Variants in F10 observed in about 807,000 individuals in gnomAD.
F10 encodes Stuart-Prower factor.
In F10, 29 loss-of-function variants were observed where a neutral mutation model predicts 37.1. The observed-to-expected ratio is 0.78, with a 90% CI of 0.58 to 1.07. The LOEUF is 1.07. Among genes scored for constraint, F10 ranks in the 50% least tolerant of loss-of-function variants. The probability of loss-of-function intolerance (pLI) is 0.00; values close to 1 mark genes in which losing one functional copy is unlikely to be tolerated. For missense variants in F10, 539 were observed against 667.9 expected (o/e 0.81, Z 2.13); for synonymous variants, 262 against 268.6 (o/e 0.98, Z 0.24).
chr13:113,129,669 C>T lies in F10; in HGVS notation c.231+57C>T, dbSNP rs535165243. 1.9e-6 allele frequency: 3 copies of T among 1,608,136 alleles called. No individual in the cohort carries two copies. The East Asian group carries it at 6.7e-5, about 36-fold the overall frequency. On this transcript the variant is annotated intron_variant, in intron 2 of 7. Coordinates refer to ENST00000375559, the MANE Select transcript of F10 (RefSeq NM_000504.4). ...AGGAGCTCAGGCCACAGCGCCCTCG[C>T]TGGCCCCGCTGCTCCGTCCATCCAG... is the stretch of plus-strand genomic sequence containing the variant.
chr13:113,124,721 A>AC (rs1235863452), intron 1 of F10, among the ~76,000 whole-genome samples: 1 of 152,240 alleles, frequency 6.6e-6, no homozygotes, highest in African/African-American at 2.4e-5. Context: ...GGGCGGTGGG[A>AC]CCTCAGCATT....
chr13:113,140,601 T>C (rs2036518434), intron 4 of F10: 1 of 568,858 alleles, frequency 1.8e-6, no homozygotes, highest in South Asian at 1.5e-5. Flanking sequence ...TACTTTTTCA[T>C]CAAAAGCCAC....
In F10 at chr13:113,146,226, C is replaced by G. The variant is rs981839161; in HGVS notation, c.748-1153C>G. On this transcript the variant is annotated intron_variant, in intron 6 of 7. Transcript: ENST00000375559. The surrounding 1 kb of genome is among the most constrained non-coding windows in gnomAD (Gnocchi z 4.5). ...GTAGGTGGGATATGAAACCATGAAG[C>G]CTCTCTGTGACCAATACACAGAAAT... is the stretch of plus-strand genomic sequence containing the variant. Among the ~76,000 whole-genome samples, 1 of 152,164 alleles carries G rather than the reference C, an allele frequency of 6.6e-6. No homozygotes were observed. Among genetic ancestry groups the G allele is most frequent in the African/African-American group, 2.4e-5 (1 of 41,446 alleles).
intron 2 of F10, chr13:113,131,960 A>G (rs1471237420): frequency 6.6e-6 from 1 of 152,296 alleles, no homozygotes; most frequent in East Asian, 1.9e-4. Flanking sequence ...CACAACATCA[A>G]GGAAATATTT....
chr13:113,123,292 G>C (rs1289678800), intron 1 of F10, among the ~76,000 whole-genome samples: 1 of 152,180 alleles, frequency 6.6e-6, no homozygotes, highest in Non-Finnish European at 1.5e-5. Context: ...GGCAGGCAGA[G>C]ACAGGACAGT....
intron 2 of F10, among the ~76,000 whole-genome samples, chr13:113,137,383 G>T (rs191929202): frequency 6.6e-6 from 1 of 152,104 alleles, no homozygotes; most frequent in Admixed American, 6.5e-5. Context: ...GTATTTGGGG[G>T]GGAAGGATGG....
intron 2 of F10, among the ~76,000 whole-genome samples, chr13:113,133,244 T>A: frequency 6.7e-6 from 1 of 150,284 alleles, no homozygotes. Context: ...TCAAAGAAAT[T>A]TAAAACAAAA....
At chr13:113,142,671 A>G (rs1335713435) in intron 5 of F10, among the ~76,000 whole-genome samples, 1 of 148,438 alleles carries the variant, frequency 6.7e-6, no homozygotes, top group Non-Finnish European at 1.5e-5. Flanking sequence ...CACGCCTGTA[A>G]TCCCAGCACT....
At position 113,143,880 on chromosome 13, in the gene F10, G is replaced by GA. The variant is rs1230068984; in HGVS notation, c.534dup (p.Arg179ThrfsTer18). 4 of 1,613,194 alleles carry GA rather than the reference G, an allele frequency of 2.5e-6. No homozygotes were observed. ...CTACCCCTGTGGGAAACAGACCCTG[G>GA]AACGCAGGAAGAGGTCAGTGGCCCA... On this transcript the variant is annotated frameshift_variant, in exon 6 of 8. Coordinates refer to ENST00000375559, the MANE Select transcript of F10 (RefSeq NM_000504.4). LOFTEE classifies it high-confidence loss of function. This position sits in a 1 kb window ranked among gnomAD's most constrained non-coding sequence, Gnocchi z 6.8.
At position 113,143,707 on chromosome 13, in the gene F10, C is replaced by CAGTA; in HGVS notation, c.503-144_503-143insAGTA. 18 of 1,227,112 alleles carry CAGTA rather than the reference C, an allele frequency of 1.5e-5. No homozygotes were observed. The highest frequency in any genetic ancestry group is 7.7e-5 in the South Asian group (5 of 64,954). The allele number at this position is 1,227,112 out of a possible 1,614,324, so 76.0% of individuals were successfully genotyped here. A position where few individuals can be genotyped will look rare whatever the true frequency, so the allele number is the denominator to read the frequency against. ...TCCGACCCCTGCCGACGACGTGGGGCCTCGCCCTGCAAGCCCGCTGCCCCT... is the reference window on the plus strand; with the variant it reads ...TCCGACCCCTGCCGACGACGTGGGGCAGTACTCGCCCTGCAAGCCCGCTGCCCCT... On this transcript the variant is annotated intron_variant, in intron 5 of 7. Coordinates refer to ENST00000375559, the MANE Select transcript of F10 (RefSeq NM_000504.4). This position sits in a 1 kb window ranked among gnomAD's most constrained non-coding sequence, Gnocchi z 6.8.
chr13:113,147,367 C>G lies in F10; in HGVS notation c.748-12C>G, dbSNP rs763042894. 2 of 1,582,972 alleles carry G rather than the reference C, an allele frequency of 1.3e-6. No homozygotes were observed. Among genetic ancestry groups the G allele is most frequent in the African/African-American group, 2.7e-5 (2 of 74,568 alleles). Reference sequence around the variant, plus strand: ...CTGGCCAGCCACACTGAGCCTGTCACGTCTGTCACAGGCCCTGCTCATCAA... The same window carrying G: ...CTGGCCAGCCACACTGAGCCTGTCAGGTCTGTCACAGGCCCTGCTCATCAA... On this transcript the variant is annotated splice_polypyrimidine_tract_variant and intron_variant, in intron 6 of 7. Coordinates refer to ENST00000375559, the MANE Select transcript of F10 (RefSeq NM_000504.4).
At chr13:113,140,412 T>G in intron 4 of F10, 1 of 425,578 alleles carries the variant, frequency 2.3e-6, no homozygotes, top group Non-Finnish European at 4.8e-6. Context: ...GTTCTTAGAT[T>G]GGATTACTTT....
At chr13:113,129,992 A>G in intron 2 of F10, 1 of 342,030 alleles carries the variant, frequency 2.9e-6, no homozygotes, top group South Asian at 2.4e-5. Context: ...CCACGCCCGC[A>G]GCCCGCGTCC....
Position 113,148,900 on chromosome 13 carries a change from C to CA in F10, c.866-15dup, listed in dbSNP as rs763107685. ...TCCCTGGCTGAGCTGAGCACAGTCC[C>CA]ACTCGTCTGTCCCAGGGGACCGGAA... On this transcript the variant is annotated splice_polypyrimidine_tract_variant and intron_variant, in intron 7 of 7. Transcript: ENST00000375559. 6.2e-7 allele frequency: 1 copy of CA among 1,612,070 alleles called. No individual in the cohort carries two copies. The highest frequency in any genetic ancestry group is 1.1e-5 in the South Asian group (1 of 91,080).
rs959181216 is a variant in F10 at position 113,140,665 on chromosome 13, G to A, written c.371-254G>A. ...GAGTGCTGCTGGGGCAGGGGGTACC[G>A]GCCATCCCGGAGGTGTGAGGGGCAG... On this transcript the variant is annotated intron_variant, in intron 4 of 7. Transcript: ENST00000375559. 13 of 670,358 alleles carry A rather than the reference G, an allele frequency of 1.9e-5. No individual in the cohort carries two copies. The East Asian group carries it at 2.4e-4, about 12-fold the overall frequency. The allele number at this position is 670,358 out of a possible 1,614,324, so 41.5% of individuals were successfully genotyped here.
intron 5 of F10, among the ~76,000 whole-genome samples, chr13:113,142,847 G>T (rs1163520247): frequency 6.6e-6 from 1 of 151,888 alleles, no homozygotes; most frequent in East Asian, 1.9e-4. Context: ...CAGGAGAATC[G>T]CCTGAACCCA....
chr13:113,145,071 G>A (rs1967771), intron 6 of F10, among the ~76,000 whole-genome samples: 47,222 of 151,930 alleles, frequency 0.31, 7,929 homozygotes, highest in East Asian at 0.44. Context: ...TAGTAGAGAC[G>A]GGGTTTCACC....
At chr13:113,129,157 G>A (rs1001577545) in intron 1 of F10, among the ~76,000 whole-genome samples, 1 of 152,248 alleles carries the variant, frequency 6.6e-6, no homozygotes, top group South Asian at 2.1e-4. Context: ...GTCTCTTAAC[G>A]TGAATGCTGG....
intron 7 of F10, among the ~76,000 whole-genome samples, chr13:113,148,378 G>GTA (rs1416935717): frequency 5.7e-4 from 33 of 57,400 alleles, no homozygotes; most frequent in East Asian, 1.7e-3. Context: ...ATATATATGT[G>GTA]TATATATATA....
Sources: allele counts gnomAD v4.1 joint callset (sites outside exome capture counted in the v4.1 genomes callset), GRCh38; gene constraint gnomAD v4.1.1; non-coding constraint Gnocchi (gnomAD v3.1); transcripts MANE v1.5; gene names NCBI Gene and HGNC (gene_info 2026-07-23, HGNC 2026-07-21).